Variants in EPS15 observed in about 807,000 individuals in gnomAD.
EPS15 encodes epidermal growth factor receptor substrate 15.
A neutral mutation model predicts 113.8 loss-of-function variants in EPS15; 72 were observed. The observed-to-expected ratio is 0.63, with a 90% CI of 0.52 to 0.77. The LOEUF (loss-of-function observed/expected upper bound fraction) is 0.77. Ranked by LOEUF, EPS15 falls within the 30% of genes least tolerant of loss-of-function variation. The probability of loss-of-function intolerance (pLI) is 0.00; values close to 1 mark genes in which losing one functional copy is unlikely to be tolerated. For synonymous variants in EPS15, 344 were observed against 363.4 expected, an observed-to-expected ratio of 0.95 and a Z score of 0.61; for missense variants, 1,048 against 1,045.8, an observed-to-expected ratio of 1.00 and a Z score of -0.03.
At chr1:51,402,780 G>A (rs1270889594) in intron 17 of EPS15, among the ~76,000 whole-genome samples, 1 of 151,794 alleles carries the variant, frequency 6.6e-6, no homozygotes, top group African/African-American at 2.4e-5. Context: ...AAAATTAGCT[G>A]GGCATGTGCA....
chr1:51,480,373 G>A (rs773831374), intron 2 of EPS15, among the ~76,000 whole-genome samples: 1 of 152,168 alleles, frequency 6.6e-6, no homozygotes, highest in Non-Finnish European at 1.5e-5. Flanking sequence ...ACTTTCTTCT[G>A]TCTAGACTAC....
intron 2 of EPS15, among the ~76,000 whole-genome samples, chr1:51,479,579 C>T (rs1643982503): frequency 6.6e-6 from 1 of 152,028 alleles, no homozygotes; most frequent in Non-Finnish European, 1.5e-5. Context: ...TGGTTTCTCC[C>T]CATCAATAGT....
intron 2 of EPS15, among the ~76,000 whole-genome samples, chr1:51,474,477 C>A (rs1248863345): frequency 6.6e-6 from 1 of 152,146 alleles, no homozygotes; most frequent in Non-Finnish European, 1.5e-5. Flanking sequence ...TAAAAGCAGA[C>A]TTCTAATCCG....
intron 12 of EPS15, chr1:51,422,162 G>A: frequency 1.6e-6 from 1 of 607,652 alleles, no homozygotes; most frequent in Non-Finnish European, 2.2e-6. Flanking sequence ...TGTTGCTATG[G>A]AAATAGTGTC....
At chr1:51,408,103 T>C (rs747052947) in intron 15 of EPS15, 32 bp downstream of exon 15, 4 of 1,571,340 alleles carry the variant, frequency 2.5e-6, no homozygotes, top group African/African-American at 1.4e-5. Context: ...GAGGATCCAT[T>C]TGAATATATT....
chr1:51,425,862 AAAC>A (rs1040842198), intron 12 of EPS15, among the ~76,000 whole-genome samples: 32 of 152,356 alleles, frequency 2.1e-4, no homozygotes, highest in African/African-American at 6.5e-4. Context: ...TTAGAATTTT[AAAC>A]AACAGTGAAG....
At chr1:51,368,352 A>G (rs1222125199) in intron 21 of EPS15, among the ~76,000 whole-genome samples, 2 of 152,178 alleles carry the variant, frequency 1.3e-5, no homozygotes, top group African/African-American at 2.4e-5. Context: ...GGGTAGCCCA[A>G]GTGGGAAAAA....
chr1:51,384,259 C>A (rs1351061543), intron 21 of EPS15, among the ~76,000 whole-genome samples: 1 of 151,350 alleles, frequency 6.6e-6, no homozygotes. Flanking sequence ...TCTCAAGGAA[C>A]CTGAATAGCC....
Position 51,408,226 on chromosome 1 carries a change from G to A in EPS15, c.1382C>T (p.Thr461Ile), listed in dbSNP as rs2148428741. ...REELSRLQQE[T>I]AELEESVESG... is the part of the protein sequence containing the mutation. Reference sequence around the variant, plus strand: ...CTCTACACTCTCCTCCAATTCTGCTGTTTCTTGCTGTAGACGGCTCAGCTC... The same window carrying A: ...CTCTACACTCTCCTCCAATTCTGCTATTTCTTGCTGTAGACGGCTCAGCTC... Residue 461 changes from threonine to isoleucine, a missense_variant, in exon 15 of 25, where the codon ACA becomes ATA. Thr to Ile is a moderately conservative substitution (Grantham distance 89). Transcript: ENST00000371733. 1 of 1,614,094 alleles carries A rather than the reference G, an allele frequency of 6.2e-7. No homozygotes were observed. The highest frequency in any genetic ancestry group is 8.5e-7 in the Non-Finnish European group (1 of 1,179,948).
intron 23 of EPS15, among the ~76,000 whole-genome samples, 171 bp from the exon 24 acceptor site, chr1:51,361,526 C>T (rs1646385874): frequency 6.6e-6 from 1 of 152,156 alleles, no homozygotes; most frequent in Non-Finnish European, 1.5e-5. Context: ...TCCTCAAATT[C>T]TTCACACATG....
chr1:51,402,827 C>G (rs1326225289), intron 17 of EPS15, among the ~76,000 whole-genome samples: 5 of 152,106 alleles, frequency 3.3e-5, no homozygotes, highest in Admixed American at 3.3e-4. Flanking sequence ...ATTGCTTGAA[C>G]CTGGGAGGTG....
intron 12 of EPS15, among the ~76,000 whole-genome samples, chr1:51,423,929 G>T (rs1429585518): frequency 6.6e-6 from 1 of 152,110 alleles, no homozygotes; most frequent in Admixed American, 6.6e-5. Flanking sequence ...TGGGGTCTAT[G>T]GGGGAGGAAG....
At chr1:51,395,371 T>C (rs950555013) in intron 20 of EPS15, among the ~76,000 whole-genome samples, 4 of 152,226 alleles carry the variant, frequency 2.6e-5, no homozygotes, top group Non-Finnish European at 4.4e-5. Flanking sequence ...CAGAATATCA[T>C]TTTACGTTTA....
chr1:51,482,641 T>A (rs1490732274), intron 1 of EPS15, among the ~76,000 whole-genome samples: 1 of 152,048 alleles, frequency 6.6e-6, no homozygotes, highest in Admixed American at 6.6e-5. Flanking sequence ...AATTTTTGTA[T>A]TTTTAGTAGA....
At chr1:51,435,297 G>A (rs973975054) in intron 12 of EPS15, among the ~76,000 whole-genome samples, 3 of 152,112 alleles carry the variant, frequency 2.0e-5, no homozygotes, top group Admixed American at 6.5e-5. Flanking sequence ...AGGTTCAAGC[G>A]ATTCTCGTGT....
Position 51,472,898 on chromosome 1 carries a change from G to A in EPS15, c.126C>T (p.Phe42=). Residue 42 remains phenylalanine, a synonymous_variant, in exon 3 of 25, where the codon TTC becomes TTT. Transcript: ENST00000371733. Reference sequence around the variant, plus strand: ...AGTCTGGAAGCCCTGATTTTTTCAGGAAAGCAGCAGCATCAGAAGCCAACA... The same window carrying A: ...AGTCTGGAAGCCCTGATTTTTTCAGAAAAGCAGCAGCATCAGAAGCCAACA... ...GRVLASDAAA[F]LKKSGLPDLI... The A allele has an allele frequency of 1.9e-6, 3 of 1,613,666 alleles. No homozygotes were observed. In the East Asian group the frequency reaches 6.7e-5, roughly 36 times the overall value.
At chr1:51,480,868 A>G (rs1000734425) in intron 2 of EPS15, among the ~76,000 whole-genome samples, 2 of 152,294 alleles carry the variant, frequency 1.3e-5, no homozygotes, top group African/African-American at 4.8e-5. Flanking sequence ...TTAACCAGTA[A>G]TTAATGAGTT....
intron 11 of EPS15, among the ~76,000 whole-genome samples, chr1:51,442,601 G>A (rs1652678413): frequency 6.6e-6 from 1 of 152,032 alleles, no homozygotes; most frequent in Non-Finnish European, 1.5e-5. Context: ...CCCTATTCTT[G>A]TGCATTACAC....
intron 21 of EPS15, among the ~76,000 whole-genome samples, chr1:51,379,605 C>G (rs1026082981): frequency 2.6e-5 from 4 of 152,206 alleles, no homozygotes; most frequent in African/African-American, 9.6e-5. Context: ...TTCATTACCA[C>G]TAGACCTACT....
Sources: gnomAD v4.1 joint callset for allele counts (sites outside exome capture counted in the v4.1 genomes callset) on GRCh38, gnomAD v4.1.1 for gene constraint, MANE v1.5 for transcripts, NCBI Gene and HGNC (gene_info 2026-07-23, HGNC 2026-07-21) for gene names.